NRDE2: variants seen among roughly 807,000 people sequenced by gnomAD.
The protein encoded by NRDE2 is NRDE-2, necessary for RNA interference, domain containing.
Under a neutral mutation model 124.2 loss-of-function variants are expected in NRDE2, and 76 were observed. The observed-to-expected ratio is 0.61, with a 90% confidence interval of 0.51 to 0.74. NRDE2 has a LOEUF of 0.74. Among genes scored for constraint, NRDE2 ranks in the 30% least tolerant of loss-of-function variants. The pLI is 0.00. For synonymous variants in NRDE2, 489 were observed against 528.1 expected, an observed-to-expected ratio of 0.93 and a Z score of 1.01; for missense variants, 1,314 against 1,417.3, an observed-to-expected ratio of 0.93 and a Z score of 1.17.
At chr14:90,320,203 A>G (rs1040394745) in intron 1 of NRDE2, among the ~76,000 whole-genome samples, 1 of 152,206 alleles carries the variant, frequency 6.6e-6, no homozygotes, top group Non-Finnish European at 1.5e-5. Flanking sequence ...AATACCCAAG[A>G]CTGGGTAATT....
At position 90,274,373 on chromosome 14, in the gene NRDE2, T is replaced by TTATG. The variant is rs1891745893; in HGVS notation, c.*3959_*3962dup. ...GGTGGTGGCAGGGGAGGGAGGCTGC[T>TTATG]TATGTATGGAGGCAGTCAGGCAGGT... is the stretch of plus-strand genomic sequence containing the variant. On this transcript the variant is annotated 3_prime_UTR_variant, in exon 14 of 14. Coordinates refer to ENST00000354366, the MANE Select transcript of NRDE2 (RefSeq NM_017970.4). 6.4e-6 allele frequency: 1 copy of TTATG among 155,102 alleles called. No individual in the cohort carries two copies. Among genetic ancestry groups the TTATG allele is most frequent in the African/African-American group, 2.4e-5 (1 of 41,440 alleles). 9.6% of individuals were successfully genotyped at this position (155,102 alleles called of 1,614,324 possible).
rs1447919705 is a variant in NRDE2, at chr14:90,274,987, C to A, written c.*3349G>T. On this transcript the variant is annotated 3_prime_UTR_variant, in exon 14 of 14. Coordinates refer to ENST00000354366, the MANE Select transcript of NRDE2 (RefSeq NM_017970.4). ...ACCGTCTTCACCAAGTGGTCAAATG[C>A]ACATCATCAGTAATGGGCACTTTGA... 2.0e-5 allele frequency: 3 copies of A among 152,234 alleles called. No homozygotes were observed. Among genetic ancestry groups the A allele is most frequent in the Admixed American group, 2.0e-4 (3 of 15,264 alleles). 9.4% of individuals were successfully genotyped at this position (152,234 alleles called of 1,614,324 possible).
rs1891750208 is a variant in NRDE2 at position 90,274,504 on chromosome 14, A to G, written c.*3832T>C. 6.6e-6 allele frequency: 1 copy of G among 152,298 alleles called. No homozygotes were observed. The highest frequency in any genetic ancestry group is 2.4e-5 in the African/African-American group (1 of 41,408). 9.4% of individuals were successfully genotyped at this position (152,298 alleles called of 1,614,324 possible). ...AGCACCTGGGAACAGTGACACCCCA[A>G]CTGCAGTGAGCACCCCTAGACCCAG... is the stretch of plus-strand genomic sequence containing the variant. On this transcript the variant is annotated 3_prime_UTR_variant, in exon 14 of 14. Transcript: ENST00000354366.
chr14:90,313,491 T>TA (rs1884928989), intron 3 of NRDE2, among the ~76,000 whole-genome samples: 1 of 152,040 alleles, frequency 6.6e-6, no homozygotes, highest in East Asian at 1.9e-4. Context: ...ACCTCGTAAA[T>TA]AAAGGGCAGA....
At chr14:90,312,329 G>A in intron 4 of NRDE2, 65 bp downstream of exon 4, 1 of 1,514,252 alleles carries the variant, frequency 6.6e-7, no homozygotes, top group Non-Finnish European at 9.1e-7. Flanking sequence ...ACAGTGCCAA[G>A]AGAGTTCCGA....
rs1280849949 is a variant in NRDE2, at chr14:90,301,842, T to G, written c.1412-470A>C. ...AAGGTTCCATGTCTGAACATTCCAG[T>G]TCATCTTACTTTTGGTACAATTCCA... On this transcript the variant is annotated intron_variant, in intron 6 of 13. Coordinates refer to ENST00000354366, the MANE Select transcript of NRDE2 (RefSeq NM_017970.4). 6.6e-6 allele frequency: 3 copies of G among 455,666 alleles called. No homozygotes were observed. In the Admixed American group the frequency reaches 7.1e-5, roughly 11 times the overall value. 28.2% of individuals were successfully genotyped at this position (455,666 alleles called of 1,614,324 possible).
At chr14:90,314,082 C>T (rs1327604961) in intron 3 of NRDE2, among the ~76,000 whole-genome samples, 2 of 152,182 alleles carry the variant, frequency 1.3e-5, no homozygotes, top group Admixed American at 6.5e-5. Flanking sequence ...CTCCCCTCGG[C>T]GGTACTGAGC....
At position 90,316,779 on chromosome 14, in the gene NRDE2, C is replaced by T. The variant is rs1308261084; in HGVS notation, c.206G>A (p.Ser69Asn). The T allele has an allele frequency of 1.2e-6, 2 of 1,611,850 alleles. No homozygotes were observed. Among genetic ancestry groups the T allele is most frequent in the Admixed American group, 1.7e-5 (1 of 59,614 alleles). Residue 69 changes from serine (S) to asparagine (N), a missense_variant, in exon 3 of 14, where the codon AGT becomes AAT. Physicochemically the swap from Ser to Asn is conservative, Grantham distance 46. Transcript: ENST00000354366. ...SHLKSESSDESDTNKKLKQTS... is the reference protein window; with the variant it reads ...SHLKSESSDENDTNKKLKQTS... ...TTGTTTGAGCTTTTTGTTAGTGTCA[C>T]TTTCATCTGAAGACTCTGATTTCAG...
rs140496409 is a variant in NRDE2 at position 90,288,881 on chromosome 14, C to T, written c.2494G>A (p.Val832Met). 1 of 1,614,212 alleles carries T rather than the reference C, an allele frequency of 6.2e-7. No individual in the cohort carries two copies. The highest frequency in any genetic ancestry group is 1.1e-5 in the South Asian group (1 of 91,090). Residue 832 changes from valine to methionine, a missense_variant, in exon 11 of 14, where the codon GTG becomes ATG. Coordinates refer to ENST00000354366, the MANE Select transcript of NRDE2 (RefSeq NM_017970.4). Reference protein sequence around the residue: ...ELSLLYAELEVELSPEVRRAA... With the variant: ...ELSLLYAELEMELSPEVRRAA... ...CTTCTCACTTCTGGCGACAGCTCCA[C>T]CTCCAGCTCAGCATAGAGCAGACTG...
At chr14:90,285,785 C>T (rs920654657) in intron 12 of NRDE2, among the ~76,000 whole-genome samples, 19 of 152,132 alleles carry the variant, frequency 1.2e-4, no homozygotes, top group African/African-American at 4.6e-4. Context: ...GGCTCACAGG[C>T]ACCATGCCCA....
At chr14:90,302,232 CATAACAT>C (rs1183951006) in intron 6 of NRDE2, among the ~76,000 whole-genome samples, 3 of 152,180 alleles carry the variant, frequency 2.0e-5, no homozygotes, top group Admixed American at 1.3e-4. Flanking sequence ...TCTGGCTCTG[CATAACAT>C]GCAGCCTCCA....
At chr14:90,281,017 T>C (rs1401764311) in intron 12 of NRDE2, 1 of 152,190 alleles carries the variant, frequency 6.6e-6, no homozygotes, top group African/African-American at 2.4e-5. Context: ...AGTGTGTGAT[T>C]CGGCCAAGGG....
chr14:90,324,858 G>A (rs1885363313), intron 1 of NRDE2, among the ~76,000 whole-genome samples: 1 of 152,082 alleles, frequency 6.6e-6, no homozygotes, highest in South Asian at 2.1e-4. Context: ...TATTTGTAAG[G>A]CATTTAAACC....
At position 90,278,772 on chromosome 14, in the gene NRDE2, A is replaced by G. The variant is rs934693420; in HGVS notation, c.3369+290T>C. On this transcript the variant is annotated intron_variant, in intron 13 of 13. Transcript: ENST00000354366. ...CCTGGGCTCTCACAGCCAGGCTGGGACATGATCCCAACTCTTTCAGCATCT... is the reference window on the plus strand; with the variant it reads ...CCTGGGCTCTCACAGCCAGGCTGGGGCATGATCCCAACTCTTTCAGCATCT... The G allele has an allele frequency of 3.0e-5, 16 of 536,964 alleles. No homozygotes were observed. The South Asian group carries it at 3.9e-4, about 13-fold the overall frequency. The allele number at this position is 536,964 out of a possible 1,614,324, so 33.3% of individuals were successfully genotyped here.
intron 1 of NRDE2, among the ~76,000 whole-genome samples, chr14:90,324,658 G>A (rs1049590407): frequency 7.0e-6 from 1 of 141,850 alleles, no homozygotes; most frequent in Non-Finnish European, 1.5e-5. Flanking sequence ...GGGTGACAGA[G>A]CAAGGCTCCG....
At chr14:90,329,143 TA>T (rs1169006561) in intron 1 of NRDE2, among the ~76,000 whole-genome samples, 1 of 152,226 alleles carries the variant, frequency 6.6e-6, no homozygotes. Context: ...AAATACTATT[TA>T]AGAGTAAGAC....
chr14:90,324,620 G>C (rs187396687), intron 1 of NRDE2, among the ~76,000 whole-genome samples: 2 of 149,716 alleles, frequency 1.3e-5, no homozygotes, highest in South Asian at 2.1e-4. Flanking sequence ...AGGTTGCAGT[G>C]AGTGGAGACG....
intron 9 of NRDE2, among the ~76,000 whole-genome samples, chr14:90,292,030 G>C (rs1482230975): frequency 6.6e-6 from 1 of 152,218 alleles, no homozygotes; most frequent in Admixed American, 6.5e-5. Context: ...TCCAGGTATC[G>C]AGACAGCATT....
intron 8 of NRDE2, among the ~76,000 whole-genome samples, chr14:90,294,766 T>C (rs1179960304): frequency 6.6e-6 from 1 of 152,210 alleles, no homozygotes; most frequent in Admixed American, 6.5e-5. Context: ...GATGGCTGCA[T>C]GGCAGTGTGA....
Sources: gnomAD v4.1 joint callset for allele counts (sites outside exome capture counted in the v4.1 genomes callset) on GRCh38, gnomAD v4.1.1 for gene constraint, MANE v1.5 for transcripts, NCBI Gene and HGNC (gene_info 2026-07-23, HGNC 2026-07-21) for gene names.